Variants in MYO1E observed in about 807,000 individuals in gnomAD.
The protein encoded by MYO1E is unconventional myosin-Ie.
A neutral mutation model predicts 151.1 loss-of-function variants in MYO1E; 68 were observed. That is an observed-to-expected ratio of 0.45 (90% CI 0.37 to 0.55). The LOEUF is 0.55. Ranked by LOEUF, MYO1E falls within the 20% of genes least tolerant of loss-of-function variation. The probability of loss-of-function intolerance (pLI) is 0.00; values close to 1 mark genes in which losing one functional copy is unlikely to be tolerated. For synonymous variants in MYO1E, 601 were observed against 501.7 expected, an observed-to-expected ratio of 1.20 and a Z score of -2.64; for missense variants, 1,363 against 1,389.3, an observed-to-expected ratio of 0.98 and a Z score of 0.30.
intron 1 of MYO1E, among the ~76,000 whole-genome samples, chr15:59,368,796 TGTG>T (rs1172550460): frequency 6.6e-6 from 1 of 152,062 alleles, no homozygotes; most frequent in African/African-American, 2.4e-5. Context: ...TCAGCAAAAG[TGTG>T]GTGGAGGTGA....
intron 26 of MYO1E, among the ~76,000 whole-genome samples, chr15:59,140,245 T>C (rs2079401460): frequency 1.3e-5 from 2 of 152,218 alleles, no homozygotes; most frequent in Admixed American, 6.5e-5. Flanking sequence ...AAAGTTATTC[T>C]TCCTATATAC....
intron 1 of MYO1E, among the ~76,000 whole-genome samples, chr15:59,365,178 C>G (rs529311657): frequency 1.3e-5 from 2 of 151,940 alleles, no homozygotes; most frequent in African/African-American, 4.8e-5. Flanking sequence ...TGCCACCACA[C>G]TCGGCTAATT....
chr15:59,142,334 G>A (rs1445909111), intron 26 of MYO1E, among the ~76,000 whole-genome samples: 1 of 152,114 alleles, frequency 6.6e-6, no homozygotes, highest in Non-Finnish European at 1.5e-5. Flanking sequence ...CCCAAGTATG[G>A]GGGCTTAGAT....
chr15:59,273,830 G>C (rs2080302573), intron 1 of MYO1E, among the ~76,000 whole-genome samples: 1 of 152,120 alleles, frequency 6.6e-6, no homozygotes, highest in African/African-American at 2.4e-5. Context: ...AAGTGCAGTG[G>C]GCACTGCACT....
chr15:59,310,053 A>T (rs1269448786), intron 1 of MYO1E, among the ~76,000 whole-genome samples: 2 of 151,814 alleles, frequency 1.3e-5, no homozygotes, highest in Admixed American at 6.6e-5. Flanking sequence ...TAGCGCCCTA[A>T]CTCGTCTTTT....
At chr15:59,205,508 C>CAAATTTCATT in intron 14 of MYO1E, 23 bp from the exon 15 acceptor site, 1 of 1,492,348 alleles carries the variant, frequency 6.7e-7, no homozygotes, top group Non-Finnish European at 9.2e-7. Context: ...GGAAAGAAAT[C>CAAATTTCATT]GAATTTCATT....
intron 22 of MYO1E, among the ~76,000 whole-genome samples, chr15:59,171,655 G>T (rs555112812): frequency 3.9e-5 from 6 of 152,230 alleles, no homozygotes; most frequent in African/African-American, 1.4e-4. Flanking sequence ...AAGAGATCTG[G>T]GTCCCCCTTG....
chr15:59,158,589 G>A (rs375009093), intron 24 of MYO1E, among the ~76,000 whole-genome samples: 12 of 152,148 alleles, frequency 7.9e-5, no homozygotes, highest in African/African-American at 2.7e-4. Context: ...GGGTTATAGA[G>A]GTACAGTTTT....
At chr15:59,151,898 A>ACG (rs1347063695) in intron 26 of MYO1E, among the ~76,000 whole-genome samples, 1 of 151,294 alleles carries the variant, frequency 6.6e-6, no homozygotes, top group East Asian at 1.9e-4. Context: ...ATACACACAC[A>ACG]CACACACACA....
At chr15:59,166,757 C>G (rs2079564649) in intron 22 of MYO1E, among the ~76,000 whole-genome samples, 1 of 152,180 alleles carries the variant, frequency 6.6e-6, no homozygotes, top group Non-Finnish European at 1.5e-5. Flanking sequence ...ACCTTCTTAA[C>G]TTCTCTGAGA....
chr15:59,201,880 G>C (rs1481682333), intron 16 of MYO1E, among the ~76,000 whole-genome samples: 1 of 152,200 alleles, frequency 6.6e-6, no homozygotes, highest in Non-Finnish European at 1.5e-5. Flanking sequence ...GTAGGACCCA[G>C]TGAGGAGGGA....
In MYO1E at chr15:59,299,219, C is replaced by T. The variant is rs372503597; in HGVS notation, c.4-26770G>A. On this transcript the variant is annotated intron_variant, in intron 1 of 27. Coordinates refer to ENST00000288235, the MANE Select transcript of MYO1E (RefSeq NM_004998.4). ...GAAAAACACAGGTTTTCCATTTTGA[C>T]GGTAAAAGGTTTACATTTAGGATTC... 8.5e-5 allele frequency among the ~76,000 whole-genome samples: 13 copies of T among 152,306 alleles called. 1 individual carries two copies. Among genetic ancestry groups the T allele is most frequent in the African/African-American group, 3.1e-4 (13 of 41,570 alleles).
chr15:59,263,492 G>C (rs948031268), intron 2 of MYO1E, among the ~76,000 whole-genome samples: 6 of 152,160 alleles, frequency 3.9e-5, no homozygotes. Context: ...GTTTCTATTA[G>C]ACACAGTGTT....
intron 22 of MYO1E, among the ~76,000 whole-genome samples, chr15:59,168,061 A>C (rs1345248498): frequency 1.3e-5 from 2 of 152,114 alleles, no homozygotes; most frequent in African/African-American, 4.8e-5. Flanking sequence ...TATCTCTCTG[A>C]GCTATTGGCC....
chr15:59,252,722 A>C (rs1242331014), intron 4 of MYO1E, among the ~76,000 whole-genome samples: 1 of 151,338 alleles, frequency 6.6e-6, no homozygotes, highest in African/African-American at 2.4e-5. Flanking sequence ...CTCAAAAAAA[A>C]AAAAAAGCGA....
At chr15:59,252,747 C>A (rs1214739471) in intron 4 of MYO1E, among the ~76,000 whole-genome samples, 1 of 143,056 alleles carries the variant, frequency 7.0e-6, no homozygotes, top group Non-Finnish European at 1.5e-5. Flanking sequence ...ATTAGCCAGG[C>A]ATGGTGGTGC....
intron 1 of MYO1E, among the ~76,000 whole-genome samples, chr15:59,326,618 A>AT (rs1477799822): frequency 6.6e-6 from 1 of 152,192 alleles, no homozygotes. Context: ...ATAACTGTTG[A>AT]TTTTTTAATT....
intron 22 of MYO1E, chr15:59,171,119 A>G (rs1359647882): frequency 6.4e-6 from 1 of 155,898 alleles, no homozygotes; most frequent in African/African-American, 2.4e-5. Flanking sequence ...TTCCTGTGTC[A>G]GCGGAACTTA....
At chr15:59,140,885 C>G (rs1369019671) in intron 26 of MYO1E, among the ~76,000 whole-genome samples, 1 of 152,132 alleles carries the variant, frequency 6.6e-6, no homozygotes, top group Non-Finnish European at 1.5e-5. Flanking sequence ...CCCACCACCA[C>G]CACCCCCCTG....
Sources: allele counts gnomAD v4.1 joint callset (sites outside exome capture counted in the v4.1 genomes callset), GRCh38; gene constraint gnomAD v4.1.1; transcripts MANE v1.5; gene names NCBI Gene and HGNC (gene_info 2026-07-23, HGNC 2026-07-21).